Variants in CCDC198 observed in about 807,000 individuals in gnomAD.
CCDC198 encodes the protein factor associated with metabolism and energy.
CCDC198 carries 18 observed loss-of-function variants against 35.6 expected under a neutral mutation model. That is an observed-to-expected ratio of 0.51 (90% CI 0.35 to 0.75). The LOEUF is 0.75. Ranked by LOEUF, CCDC198 falls within the 30% of genes least tolerant of loss-of-function variation. The pLI is 0.01. For synonymous variants in CCDC198, 119 were observed against 113.4 expected (o/e 1.05, Z -0.31); for missense variants, 365 against 343.7 (o/e 1.06, Z -0.49).
intron 5 of CCDC198, among the ~76,000 whole-genome samples, chr14:57,477,132 T>C (rs1275423741): frequency 6.6e-6 from 1 of 152,208 alleles, no homozygotes; most frequent in Non-Finnish European, 1.5e-5. Context: ...ATATGAAGAT[T>C]AAATGCTGCA....
At chr14:57,475,043 C>T (rs185657396) in intron 5 of CCDC198, among the ~76,000 whole-genome samples, 2 of 152,082 alleles carry the variant, frequency 1.3e-5, no homozygotes, top group East Asian at 1.9e-4. Flanking sequence ...GGGCGGATCA[C>T]GAGGTCAGGA....
chr14:57,480,486 A>T, intron 5 of CCDC198, 109 bp downstream of exon 5: 1 of 1,333,322 alleles, frequency 7.5e-7, no homozygotes, highest in Non-Finnish European at 1.0e-6. Context: ...TCTCAGCAAG[A>T]GCTCAAAGCT....
intron 2 of CCDC198, among the ~76,000 whole-genome samples, chr14:57,488,441 C>A (rs1252491774): frequency 6.6e-6 from 1 of 152,112 alleles, no homozygotes; most frequent in Non-Finnish European, 1.5e-5. Context: ...GCAGGGAGTG[C>A]ACTTTGAGTG....
intron 2 of CCDC198, among the ~76,000 whole-genome samples, chr14:57,483,644 T>C (rs1414735439): frequency 6.6e-6 from 1 of 152,194 alleles, no homozygotes; most frequent in Non-Finnish European, 1.5e-5. Context: ...AACTGCAGTG[T>C]GCTAACACAT....
At chr14:57,492,977 G>A (rs1028513847) in intron 1 of CCDC198, among the ~76,000 whole-genome samples, 3 of 152,042 alleles carry the variant, frequency 2.0e-5, no homozygotes, top group African/African-American at 4.8e-5. Context: ...TGGGAAAAGG[G>A]TGACTCATCC....
intron 5 of CCDC198, chr14:57,475,757 T>C (rs561052306): frequency 9.9e-6 from 4 of 404,284 alleles, no homozygotes; most frequent in Non-Finnish European, 1.4e-5. Flanking sequence ...GTTTTGTCTA[T>C]ATTCCCATAC....
At chr14:57,490,236 A>G (rs1274458456) in intron 2 of CCDC198, among the ~76,000 whole-genome samples, 4 of 152,058 alleles carry the variant, frequency 2.6e-5, no homozygotes, top group Admixed American at 6.6e-5. Flanking sequence ...CCTCCTTCCA[A>G]TGATGCTCAT....
intron 2 of CCDC198, among the ~76,000 whole-genome samples, chr14:57,489,779 A>G (rs2067498390): frequency 6.6e-6 from 1 of 152,136 alleles, no homozygotes; most frequent in African/African-American, 2.4e-5. Context: ...ATTTTTTACT[A>G]GAGTAATATC....
chr14:57,484,079 C>T (rs997402464), intron 2 of CCDC198, among the ~76,000 whole-genome samples: 50 of 152,308 alleles, frequency 3.3e-4, no homozygotes, highest in African/African-American at 1.2e-3. Flanking sequence ...TATGACACTA[C>T]ATAACTGAAG....
At position 57,484,819 on chromosome 14, in the gene CCDC198, G is replaced by A. The variant is rs755630947; in HGVS notation, c.307-1668C>T. ...CATGCGTTAAGCAAAGGAGTGACACGAGTACATTTGCTTTTTAAAAAGGGT... is the reference window on the plus strand; with the variant it reads ...CATGCGTTAAGCAAAGGAGTGACACAAGTACATTTGCTTTTTAAAAAGGGT... On this transcript the variant is annotated intron_variant, in intron 2 of 5. Coordinates refer to ENST00000216445, the MANE Select transcript of CCDC198 (RefSeq NM_018168.4). 6.6e-5 allele frequency among the ~76,000 whole-genome samples: 10 copies of A among 152,184 alleles called. No homozygotes were observed. In the East Asian group the frequency reaches 9.7e-4, roughly 15 times the overall value.
intron 2 of CCDC198, among the ~76,000 whole-genome samples, chr14:57,486,193 A>G (rs913774467): frequency 1.3e-5 from 2 of 152,186 alleles, no homozygotes; most frequent in Non-Finnish European, 2.9e-5. Context: ...GAGAGTGTTC[A>G]GGATTTGGTT....
chr14:57,475,468 G>A (rs981848008), intron 5 of CCDC198: 1 of 1,236,548 alleles, frequency 8.1e-7, no homozygotes, highest in Non-Finnish European at 1.0e-6. Flanking sequence ...AGGCGCGGTG[G>A]CTCATGCCTG....
At position 57,471,198 on chromosome 14, in the gene CCDC198, A is replaced by T; in HGVS notation, c.*157T>A. On this transcript the variant is annotated 3_prime_UTR_variant, in exon 6 of 6. Coordinates refer to ENST00000216445, the MANE Select transcript of CCDC198 (RefSeq NM_018168.4). ...GTTATGCAGCAATAGTTAACAGCAC[A>T]TGTGACGGACTTGTTAATCATAAGA... is the stretch of plus-strand genomic sequence containing the variant. 1 of 593,792 alleles carries T rather than the reference A, an allele frequency of 1.7e-6. No individual in the cohort carries two copies. 36.8% of individuals were successfully genotyped at this position (593,792 alleles called of 1,614,324 possible).
Position 57,470,334 on chromosome 14 carries a change from T to C in CCDC198, c.*1021A>G, listed in dbSNP as rs1181713991. On this transcript the variant is annotated 3_prime_UTR_variant, in exon 6 of 6. Coordinates refer to ENST00000216445, the MANE Select transcript of CCDC198 (RefSeq NM_018168.4). Reference sequence around the variant, plus strand: ...TACTTTTTCATCTATTTGTTTTTGGTTTTTTGTTTTTTAATTTTGAGACAG... The same window carrying C: ...TACTTTTTCATCTATTTGTTTTTGGCTTTTTGTTTTTTAATTTTGAGACAG... 6.6e-6 allele frequency: 1 copy of C among 152,130 alleles called. No individual in the cohort carries two copies. The highest frequency in any genetic ancestry group is 6.5e-5 in the Admixed American group (1 of 15,278). The allele number at this position is 152,130 out of a possible 1,614,324, so 9.4% of individuals were successfully genotyped here. A position where few individuals can be genotyped will look rare whatever the true frequency, so the allele number is the denominator to read the frequency against.
At chr14:57,476,583 A>C (rs1414117349) in intron 5 of CCDC198, among the ~76,000 whole-genome samples, 1 of 152,226 alleles carries the variant, frequency 6.6e-6, no homozygotes, top group African/African-American at 2.4e-5. Context: ...TATGTAATTT[A>C]TTATAGGAAT....
chr14:57,482,932 G>T, intron 3 of CCDC198, 133 bp downstream of exon 3: 4 of 1,245,154 alleles, frequency 3.2e-6, no homozygotes, highest in Non-Finnish European at 4.5e-6. Context: ...CACTCTGAAT[G>T]ACTTAACAGT....
intron 5 of CCDC198, among the ~76,000 whole-genome samples, chr14:57,472,154 T>C (rs907320447): frequency 1.3e-5 from 2 of 152,192 alleles, no homozygotes; most frequent in African/African-American, 4.8e-5. Context: ...GTTTGTGTTT[T>C]AATCTTTAGG....
At chr14:57,487,284 A>C (rs985178143) in intron 2 of CCDC198, among the ~76,000 whole-genome samples, 4 of 152,236 alleles carry the variant, frequency 2.6e-5, no homozygotes, top group African/African-American at 9.6e-5. Context: ...AATGATCAGC[A>C]TAATCAGTTG....
At chr14:57,490,669 G>A (rs2067532806) in intron 2 of CCDC198, among the ~76,000 whole-genome samples, 1 of 152,122 alleles carries the variant, frequency 6.6e-6, no homozygotes, top group Non-Finnish European at 1.5e-5. Context: ...TAATTAAATA[G>A]TAGTAGCTGT....
Sources: allele counts gnomAD v4.1 joint callset (sites outside exome capture counted in the v4.1 genomes callset), GRCh38; gene constraint gnomAD v4.1.1; transcripts MANE v1.5; gene names NCBI Gene and HGNC (gene_info 2026-07-23, HGNC 2026-07-21).